ANTXR1: variants seen among roughly 807,000 people sequenced by gnomAD.
The protein encoded by ANTXR1 is ANTXR cell adhesion molecule 1, also known as anthrax toxin receptor 1.
In ANTXR1, 19 loss-of-function variants were observed where a neutral mutation model predicts 78.1. The ratio of observed to expected loss-of-function variants is 0.24; its 90% CI spans 0.17 to 0.36. The LOEUF is 0.36. Ranked by LOEUF, ANTXR1 falls within the 10% of genes least tolerant of loss-of-function variation. ANTXR1 has a pLI of 1.00. For missense variants in ANTXR1, 518 were observed against 718.6 expected (o/e 0.72, Z 3.19); for synonymous variants, 273 against 260.5 (o/e 1.05, Z -0.46).
At chr2:69,092,209 C>T (rs1162019362) in intron 9 of ANTXR1, among the ~76,000 whole-genome samples, 2 of 152,152 alleles carry the variant, frequency 1.3e-5, no homozygotes, top group Non-Finnish European at 1.5e-5. Context: ...AACTTTCAGG[C>T]CTCTTCAAAC....
intron 16 of ANTXR1, among the ~76,000 whole-genome samples, chr2:69,186,613 A>G (rs6546485): frequency 0.55 from 83,562 of 152,098 alleles, 24,472 homozygotes; most frequent in East Asian, 0.84. Flanking sequence ...ACACCTGAAG[A>G]GCATGTGGGG....
At position 69,117,048 on chromosome 2, in the gene ANTXR1, C is replaced by A. The variant is rs571089960; in HGVS notation, c.803-5969C>A. ...ATGAGTGTATGGTTCCAGAGCATGG[C>A]TTCATTCTAGTTGGCATGACCAGGG... On this transcript the variant is annotated intron_variant, in intron 10 of 17. Transcript: ENST00000303714. Among the ~76,000 whole-genome samples, 27 of 152,310 alleles carry A rather than the reference C, an allele frequency of 1.8e-4. 1 individual carries two copies. In the South Asian group the frequency reaches 5.2e-3, roughly 29 times the overall value.
chr2:69,104,749 C>T (rs1671748063), intron 10 of ANTXR1, among the ~76,000 whole-genome samples: 1 of 152,148 alleles, frequency 6.6e-6, no homozygotes, highest in Non-Finnish European at 1.5e-5. Context: ...AGAGAATCTA[C>T]CCTATGTGCC....
chr2:69,040,264 T>C, intron 2 of ANTXR1, 149 bp downstream of exon 2: 1 of 739,400 alleles, frequency 1.4e-6, no homozygotes, highest in African/African-American at 1.7e-5. Flanking sequence ...ACTGTTTGCT[T>C]TGTTTTCATC....
At chr2:69,051,787 T>C (rs937377657) in intron 3 of ANTXR1, among the ~76,000 whole-genome samples, 5 of 152,144 alleles carry the variant, frequency 3.3e-5, no homozygotes, top group African/African-American at 1.2e-4. Flanking sequence ...ATTTACATCA[T>C]CTTACTTGGC....
At chr2:69,213,803 A>G (rs1675109425) in intron 17 of ANTXR1, among the ~76,000 whole-genome samples, 1 of 152,266 alleles carries the variant, frequency 6.6e-6, no homozygotes, top group Non-Finnish European at 1.5e-5. Context: ...GGTCATGGAA[A>G]GAGCCAGGGC....
intron 8 of ANTXR1, 51 bp downstream of exon 8, chr2:69,077,539 T>C (rs772738094): frequency 1.3e-6 from 2 of 1,576,132 alleles, no homozygotes; most frequent in South Asian, 1.1e-5. Flanking sequence ...CTTCCGTCTC[T>C]GATCTGCTAT....
chr2:69,128,908 T>G (rs184738172), intron 12 of ANTXR1, among the ~76,000 whole-genome samples: 8 of 152,316 alleles, frequency 5.3e-5, no homozygotes, highest in African/African-American at 1.9e-4. Flanking sequence ...TTTTCTCACT[T>G]TATTTGGTGC....
At chr2:69,194,698 C>T (rs1408738308) in intron 17 of ANTXR1, among the ~76,000 whole-genome samples, 4 of 151,888 alleles carry the variant, frequency 2.6e-5, no homozygotes, top group Admixed American at 6.6e-5. Context: ...ACTAAAAATA[C>T]AAAAATTAGC....
At chr2:69,238,859 A>G (rs1468647940) in intron 17 of ANTXR1, among the ~76,000 whole-genome samples, 2 of 152,216 alleles carry the variant, frequency 1.3e-5, no homozygotes, top group African/African-American at 2.4e-5. Context: ...ATTTGGTTTA[A>G]TCTGTGGAAG....
chr2:69,240,810 T>C (rs1429125306), intron 17 of ANTXR1, among the ~76,000 whole-genome samples: 2 of 147,610 alleles, frequency 1.4e-5, no homozygotes, highest in Non-Finnish European at 2.9e-5. Context: ...TGTGAGACTT[T>C]AGTTTTTTTT....
rs148170633 is a variant in ANTXR1, at chr2:69,235,368, G to A, written c.1435-9857G>A. On this transcript the variant is annotated intron_variant, in intron 17 of 17. Transcript: ENST00000303714. Reference sequence around the variant, plus strand: ...GGATATGAAAAAATAGACTCTATGGGCCAGGGGCAGTGGTTCACGCCTGTA... The same window carrying A: ...GGATATGAAAAAATAGACTCTATGGACCAGGGGCAGTGGTTCACGCCTGTA... Among the ~76,000 whole-genome samples the A allele has an allele frequency of 1.1e-3, 163 of 152,076 alleles. 1 individual carries two copies. The highest frequency in any genetic ancestry group is 3.6e-3 in the African/African-American group (151 of 41,514).
intron 12 of ANTXR1, among the ~76,000 whole-genome samples, chr2:69,137,076 A>T (rs895427157): frequency 6.6e-6 from 1 of 152,210 alleles, no homozygotes; most frequent in African/African-American, 2.4e-5. Context: ...TAAAATGTGT[A>T]CATTTTATTC....
intron 13 of ANTXR1, among the ~76,000 whole-genome samples, chr2:69,156,277 G>A (rs1432224466): frequency 6.6e-6 from 1 of 152,144 alleles, no homozygotes; most frequent in African/African-American, 2.4e-5. Context: ...CAGAAGCTGT[G>A]CTGTCAGAAA....
intron 12 of ANTXR1, chr2:69,145,424 G>C (rs377224530): frequency 2.6e-6 from 4 of 1,565,094 alleles, no homozygotes; most frequent in Non-Finnish European, 3.5e-6. Flanking sequence ...CTGAAAACGG[G>C]GAGAGAGGAG....
chr2:69,098,658 A>G (rs1374073495), intron 9 of ANTXR1, among the ~76,000 whole-genome samples: 2 of 152,230 alleles, frequency 1.3e-5, no homozygotes, highest in African/African-American at 2.4e-5. Context: ...AAATTGAGCT[A>G]TATTTTACAT....
chr2:69,054,306 T>G (rs2104131291), intron 3 of ANTXR1, among the ~76,000 whole-genome samples: 1 of 152,272 alleles, frequency 6.6e-6, no homozygotes, highest in South Asian at 2.1e-4. Flanking sequence ...TCCCATGATT[T>G]TACTATTACG....
chr2:69,066,315 A>G (rs1359197886), intron 3 of ANTXR1, among the ~76,000 whole-genome samples: 1 of 151,710 alleles, frequency 6.6e-6, no homozygotes, highest in African/African-American at 2.4e-5. Context: ...ATTTTTTTAG[A>G]GACGGAGTTT....
intron 17 of ANTXR1, among the ~76,000 whole-genome samples, chr2:69,216,131 A>C (rs1428995478): frequency 6.6e-6 from 1 of 152,168 alleles, no homozygotes; most frequent in Non-Finnish European, 1.5e-5. Context: ...TATTTTTTAG[A>C]GTTTGCCTTT....
Sources: allele counts gnomAD v4.1 joint callset (sites outside exome capture counted in the v4.1 genomes callset), GRCh38; gene constraint gnomAD v4.1.1; transcripts MANE v1.5; gene names NCBI Gene and HGNC (gene_info 2026-07-23, HGNC 2026-07-21).